RGS6: variants seen among roughly 807,000 people sequenced by gnomAD.
RGS6 encodes regulator of G-protein signaling 6.
RGS6 carries 30 observed loss-of-function variants against 78.5 expected under a neutral mutation model. The ratio of observed to expected loss-of-function variants is 0.38; its 90% CI spans 0.29 to 0.52. The LOEUF is 0.52. Ranked by LOEUF, RGS6 falls within the 20% of genes least tolerant of loss-of-function variation. The pLI is 0.85. For synonymous variants in RGS6, 206 were observed against 206.0 expected, an observed-to-expected ratio of 1.00 and a Z score of 0.00; for missense variants, 495 against 609.7, an observed-to-expected ratio of 0.81 and a Z score of 1.98.
the RGS6 span, among the ~76,000 whole-genome samples, chr14:71,910,385 T>A: frequency 2.0e-4 from 31 of 152,172 alleles, no homozygotes; most frequent in African/African-American, 6.8e-4. Context: ...TTCCCATAGT[T>A]TCCTACCTTT....
intron 1 of RGS6, among the ~76,000 whole-genome samples, chr14:71,950,856 G>A (rs1265284305): frequency 6.6e-6 from 1 of 152,152 alleles, no homozygotes; most frequent in African/African-American, 2.4e-5. Flanking sequence ...AAACCACAGT[G>A]AGATACCATC....
the RGS6 span, among the ~76,000 whole-genome samples, chr14:72,626,714 C>T: frequency 3.9e-5 from 6 of 152,056 alleles, no homozygotes; most frequent in African/African-American, 1.2e-4. Context: ...AATGCTTAGT[C>T]AAAAGTTAAG....
intron 2 of RGS6, among the ~76,000 whole-genome samples, chr14:72,331,446 AG>A (rs947591247): frequency 3.3e-5 from 5 of 152,060 alleles, no homozygotes; most frequent in African/African-American, 1.2e-4. Context: ...TTTATTATAG[AG>A]GGTGGAATAT....
At chr14:72,506,242 C>A (rs1049178718) in intron 13 of RGS6, among the ~76,000 whole-genome samples, 12 of 152,038 alleles carry the variant, frequency 7.9e-5, no homozygotes, top group Non-Finnish European at 1.8e-4. Flanking sequence ...AAAAAAATAG[C>A]TGGAAAGACA....
At chr14:72,146,258 T>C (rs1203165144) in intron 2 of RGS6, among the ~76,000 whole-genome samples, 1 of 152,236 alleles carries the variant, frequency 6.6e-6, no homozygotes, top group Non-Finnish European at 1.5e-5. Context: ...CTCTAAGTTC[T>C]ACCTCTCAAC....
chr14:72,413,586 T>C (rs1461805354), intron 3 of RGS6, among the ~76,000 whole-genome samples: 1 of 152,208 alleles, frequency 6.6e-6, no homozygotes, highest in African/African-American at 2.4e-5. Context: ...AATATTGTTA[T>C]GTGTGAATTT....
At chr14:72,579,464 G>A in the RGS6 span, among the ~76,000 whole-genome samples, 2 of 152,294 alleles carry the variant, frequency 1.3e-5, no homozygotes, top group East Asian at 3.9e-4. Context: ...TCTATCAAGG[G>A]GCTATGGAAG....
At chr14:71,998,849 GTC>G (rs765020806) in intron 2 of RGS6, among the ~76,000 whole-genome samples, 17 of 152,204 alleles carry the variant, frequency 1.1e-4, no homozygotes, top group Non-Finnish European at 2.1e-4. Flanking sequence ...GAGCCATGTG[GTC>G]TCTCTGCAGC....
chr14:72,521,238 A>G (rs1323810567), intron 15 of RGS6, among the ~76,000 whole-genome samples: 1 of 152,208 alleles, frequency 6.6e-6, no homozygotes, highest in African/African-American at 2.4e-5. Flanking sequence ...TGATAGCATA[A>G]TTACTCATTT....
intron 1 of RGS6, among the ~76,000 whole-genome samples, chr14:71,936,015 G>GAGATATATATATATATATATATATATAT (rs751624395): frequency 1.6e-5 from 1 of 63,798 alleles, no homozygotes; most frequent in African/African-American, 5.2e-5. Context: ...GAACTAATAG[G>GAGATATATATATATATATATATATATAT]ATATATATAT....
intron 2 of RGS6, among the ~76,000 whole-genome samples, chr14:72,335,039 A>G (rs1163907079): frequency 6.8e-6 from 1 of 146,982 alleles, no homozygotes; most frequent in Admixed American, 6.8e-5. Context: ...TCTTTCCTGT[A>G]CTGTTCTCAT....
intron 2 of RGS6, among the ~76,000 whole-genome samples, chr14:72,002,438 ATAAC>A (rs2083654669): frequency 6.6e-6 from 1 of 152,196 alleles, no homozygotes; most frequent in East Asian, 1.9e-4. Context: ...TAAGGTTTGT[ATAAC>A]ATCAGGTTGG....
chr14:72,435,044 A>T (rs891762342), intron 3 of RGS6, among the ~76,000 whole-genome samples: 5 of 152,172 alleles, frequency 3.3e-5, no homozygotes, highest in Non-Finnish European at 7.3e-5. Flanking sequence ...TGAGCCTCTA[A>T]ACTTCACAGC....
At chr14:72,621,002 A>G in the RGS6 span, among the ~76,000 whole-genome samples, 2 of 152,140 alleles carry the variant, frequency 1.3e-5, no homozygotes, top group Admixed American at 6.5e-5. Flanking sequence ...TTAGCCAGGC[A>G]TGGTGGCGTG....
At chr14:72,165,023 G>A (rs949924825) in intron 2 of RGS6, among the ~76,000 whole-genome samples, 1 of 152,188 alleles carries the variant, frequency 6.6e-6, no homozygotes, top group Non-Finnish European at 1.5e-5. Context: ...TGGAGCTCAT[G>A]AAAGGTCCTC....
At chr14:72,065,723 G>C (rs2153445491) in intron 2 of RGS6, among the ~76,000 whole-genome samples, 1 of 152,224 alleles carries the variant, frequency 6.6e-6, no homozygotes, top group Non-Finnish European at 1.5e-5. Context: ...GAAGTCATTT[G>C]TACATGAATT....
intron 2 of RGS6, among the ~76,000 whole-genome samples, chr14:72,117,714 C>T (rs1230577400): frequency 6.6e-6 from 1 of 152,156 alleles, no homozygotes; most frequent in Non-Finnish European, 1.5e-5. Context: ...ACTCTGGCTA[C>T]TCAGGGCAGT....
chr14:72,594,231 CA>C, the RGS6 span: 1 of 152,322 alleles, frequency 6.6e-6, no homozygotes, highest in African/African-American at 2.4e-5. Flanking sequence ...AGATTCAAAG[CA>C]GAGCCCTCCT....
rs576107162 is a variant in RGS6, at chr14:72,436,231, T to G, written c.185-18297T>G. Among the ~76,000 whole-genome samples, 436 of 152,120 alleles carry G rather than the reference T, an allele frequency of 2.9e-3. 2 individuals carry two copies. Among genetic ancestry groups the G allele is most frequent in the African/African-American group, 0.01 (419 of 41,490 alleles). ...TGGAGCCACCTTTTACCAAATACAC[T>G]TCTATCTTGTTTAAGCTACTGCCAT... On this transcript the variant is annotated intron_variant, in intron 3 of 17. Coordinates refer to ENST00000553525, the MANE Select transcript of RGS6 (RefSeq NM_001204424.2).
Sources: allele counts gnomAD v4.1 joint callset (sites outside exome capture counted in the v4.1 genomes callset), GRCh38; gene constraint gnomAD v4.1.1; transcripts MANE v1.5; gene names NCBI Gene and HGNC (gene_info 2026-07-23, HGNC 2026-07-21).